CNN1: variants seen among roughly 807,000 people sequenced by gnomAD.
The protein encoded by CNN1 is calponin 1, also known as calponin-1.
Under a neutral mutation model 35.3 loss-of-function variants are expected in CNN1, and 21 were observed. The observed-to-expected ratio is 0.60, with a 90% CI of 0.42 to 0.86. The LOEUF is 0.86. Among genes scored for constraint, CNN1 ranks in the 40% least tolerant of loss-of-function variants. CNN1 has a pLI of 0.00. For synonymous variants in CNN1, 164 were observed against 161.8 expected (o/e 1.01, Z -0.10); for missense variants, 314 against 400.8 (o/e 0.78, Z 1.85).
intron 2 of CNN1, among the ~76,000 whole-genome samples, chr19:11,545,196 AT>A (rs1284266630): frequency 6.6e-6 from 1 of 150,528 alleles, no homozygotes; most frequent in Non-Finnish European, 1.5e-5. Context: ...GCAAGACTCC[AT>A]CTCGGAAAAA....
intron 2 of CNN1, among the ~76,000 whole-genome samples, chr19:11,545,798 CAAAAA>C (rs1030710214): frequency 1.7e-5 from 1 of 58,802 alleles, no homozygotes; most frequent in Non-Finnish European, 3.6e-5. Flanking sequence ...CCCTCTCTAC[CAAAAA>C]AAAAAAAAAA....
chr19:11,543,536 T>C (rs1019571582), intron 2 of CNN1, among the ~76,000 whole-genome samples: 1 of 151,232 alleles, frequency 6.6e-6, no homozygotes, highest in Non-Finnish European at 1.5e-5. Context: ...ATCCCAGCAC[T>C]TTGGGAGGCT....
intron 2 of CNN1, among the ~76,000 whole-genome samples, chr19:11,546,046 C>T (rs1399001658): frequency 1.3e-5 from 2 of 152,132 alleles, no homozygotes; most frequent in Admixed American, 6.6e-5. Flanking sequence ...CCCTTGTGGG[C>T]TTCCTGCTGT....
intron 2 of CNN1, chr19:11,542,381 C>A (rs112430167): frequency 0.078 from 11,770 of 150,350 alleles, 997 homozygotes; most frequent in African/African-American, 0.22. Flanking sequence ...TTAGTAGAGA[C>A]GGGATTTTGC....
intron 4 of CNN1, 111 bp downstream of exon 4, chr19:11,547,080 A>T (rs1972605371): frequency 6.7e-7 from 1 of 1,499,814 alleles, no homozygotes. Context: ...GGGGGCAGGG[A>T]TCGGGGAGCA....
At chr19:11,543,915 A>G (rs1972522513) in intron 2 of CNN1, among the ~76,000 whole-genome samples, 2 of 147,034 alleles carry the variant, frequency 1.4e-5, no homozygotes, top group Admixed American at 1.4e-4. Flanking sequence ...AAAGTATAAG[A>G]AAAAAAAAAA....
In CNN1 at chr19:11,549,118, A is replaced by G. The variant is rs1972654901; in HGVS notation, c.502-205A>G. 6.6e-6 allele frequency among the ~76,000 whole-genome samples: 1 copy of G among 151,672 alleles called. No individual in the cohort carries two copies. The highest frequency in any genetic ancestry group is 2.4e-5 in the African/African-American group (1 of 41,416). On this transcript the variant is annotated intron_variant, in intron 5 of 6. Coordinates refer to ENST00000252456, the MANE Select transcript of CNN1 (RefSeq NM_001299.6). This position sits in a 1 kb window ranked among gnomAD's most constrained non-coding sequence, Gnocchi z 5.2. Reference sequence around the variant, plus strand: ...CAGGAGAATTGCTTGAATGTGCAAGATGGAGATTTCAGTGAGCTGAGATCA... The same window carrying G: ...CAGGAGAATTGCTTGAATGTGCAAGGTGGAGATTTCAGTGAGCTGAGATCA...
intron 4 of CNN1, 134 bp downstream of exon 4, chr19:11,547,103 A>G (rs1390430485): frequency 2.2e-6 from 3 of 1,352,582 alleles, no homozygotes; most frequent in Admixed American, 3.8e-5. Flanking sequence ...TGCTGTCAAC[A>G]GCGTCCAAGG....
chr19:11,547,877 A>G lies in CNN1; in HGVS notation c.471A>G (p.Leu157=), dbSNP rs1384227934. The G allele has an allele frequency of 6.2e-7, 1 of 1,613,996 alleles. No homozygotes were observed. Among genetic ancestry groups the G allele is most frequent in the South Asian group, 1.1e-5 (1 of 91,080 alleles). Residue 157 remains leucine (L), a synonymous_variant, in exon 5 of 7, where the codon CTA becomes CTG. Coordinates refer to ENST00000252456, the MANE Select transcript of CNN1 (RefSeq NM_001299.6). ...AGCGGAAATTCGAGCCGGGGAAGCT[A>G]AGAGAAGGGCGGAACATCATTGGGC... ...KQERKFEPGK[L]REGRNIIGLQ... is the part of the protein sequence containing the mutation.
At chr19:11,539,280 G>A (rs948963562) in intron 1 of CNN1, 6 of 1,188,278 alleles carry the variant, frequency 5.0e-6, no homozygotes, top group East Asian at 4.4e-5. Flanking sequence ...CGTGTTCTTG[G>A]GGGGAACAAC....
intron 1 of CNN1, 42 bp downstream of exon 1, chr19:11,539,032 C>A: frequency 6.7e-7 from 1 of 1,503,076 alleles, no homozygotes; most frequent in Non-Finnish European, 9.0e-7. Context: ...ACACGTCCTG[C>A]CAGGCCAGAG....
At chr19:11,541,904 T>TG (rs144652470) in intron 2 of CNN1, 5,023 of 147,838 alleles carry the variant, frequency 0.034, 120 homozygotes, top group Admixed American at 0.067. Flanking sequence ...ATTTTTGTTT[T>TG]TTTTTTTTTT....
At chr19:11,543,506 C>T (rs1215963083) in intron 2 of CNN1, among the ~76,000 whole-genome samples, 9 of 145,910 alleles carry the variant, frequency 6.2e-5, no homozygotes, top group Non-Finnish European at 1.4e-4. Context: ...GTGGGCCGGG[C>T]GCGGTGACTC....
chr19:11,545,981 A>AT (rs373961336), intron 2 of CNN1, among the ~76,000 whole-genome samples: 1 of 151,952 alleles, frequency 6.6e-6, no homozygotes, highest in Non-Finnish European at 1.5e-5. Flanking sequence ...GAAAAAAAAA[A>AT]GAAAAGAAAA....
At chr19:11,542,418 C>T (rs1972486982) in intron 2 of CNN1, among the ~76,000 whole-genome samples, 1 of 151,630 alleles carries the variant, frequency 6.6e-6, no homozygotes, top group Non-Finnish European at 1.5e-5. Context: ...GTCTCGAACT[C>T]CTGACCTCAA....
At chr19:11,542,979 T>G (rs1972499048) in intron 2 of CNN1, among the ~76,000 whole-genome samples, 1 of 152,160 alleles carries the variant, frequency 6.6e-6, no homozygotes, top group African/African-American at 2.4e-5. Context: ...CGGGAAGACT[T>G]TGAAGGTGCA....
In CNN1 at chr19:11,549,511, C is replaced by A. The variant is rs1213976344; in HGVS notation, c.649-39C>A. The A allele has an allele frequency of 1.2e-6, 2 of 1,607,436 alleles. No individual in the cohort carries two copies. The highest frequency in any genetic ancestry group is 3.4e-5 in the Admixed American group (2 of 59,502). On this transcript the variant is annotated intron_variant, in intron 6 of 6. Coordinates refer to ENST00000252456, the MANE Select transcript of CNN1 (RefSeq NM_001299.6). The surrounding 1 kb of genome is among the most constrained non-coding windows in gnomAD (Gnocchi z 5.2). ...GGGACACGCCGTCAAGGCCCAGGAC[C>A]CTGGCCACCCCACGGCCTGACCACA...
intron 1 of CNN1, chr19:11,540,083 C>A: frequency 9.8e-7 from 1 of 1,024,508 alleles, no homozygotes; most frequent in Non-Finnish European, 1.2e-6. Context: ...GCAGCCCGGT[C>A]CCCTAGGGGC....
chr19:11,547,274 G>A (rs1057101720), intron 4 of CNN1, among the ~76,000 whole-genome samples: 2 of 152,010 alleles, frequency 1.3e-5, no homozygotes, highest in South Asian at 2.1e-4. Flanking sequence ...ACGCATGCCT[G>A]TAATCCCAGC....
Sources: gnomAD v4.1 joint callset for allele counts (sites outside exome capture counted in the v4.1 genomes callset) on GRCh38, gnomAD v4.1.1 for gene constraint, Gnocchi (gnomAD v3.1) non-coding constraint, MANE v1.5 for transcripts, NCBI Gene and HGNC (gene_info 2026-07-23, HGNC 2026-07-21) for gene names.